The following DKK2 variants were observed in gnomAD, a reference collection of about 807,000 sequenced individuals.
The protein encoded by DKK2 is dickkopf-related protein 2.
A neutral mutation model predicts 28.1 loss-of-function variants in DKK2; 11 were observed. The observed-to-expected ratio is 0.39, with a 90% confidence interval of 0.25 to 0.65. The LOEUF (loss-of-function observed/expected upper bound fraction) is 0.65, where lower values mean the gene tolerates loss of function less well. Among genes scored for constraint, DKK2 ranks in the 30% least tolerant of loss-of-function variants. The pLI is 0.47. For synonymous variants in DKK2, 135 were observed against 126.5 expected (o/e 1.07, Z -0.45); for missense variants, 326 against 335.5 (o/e 0.97, Z 0.22).
chr4:107,028,022 G>A (rs1026829300), intron 1 of DKK2, among the ~76,000 whole-genome samples: 12 of 152,228 alleles, frequency 7.9e-5, no homozygotes, highest in Non-Finnish European at 1.6e-4. Flanking sequence ...AAAGTGCTAG[G>A]ATTACAGGCG....
At chr4:106,934,008 A>G (rs767259950) in intron 1 of DKK2, among the ~76,000 whole-genome samples, 53 of 151,200 alleles carry the variant, frequency 3.5e-4, no homozygotes, top group Non-Finnish European at 5.8e-4. Flanking sequence ...ATGTATGTAT[A>G]TATACATATA....
chr4:107,026,360 C>CA (rs985029316), intron 1 of DKK2, among the ~76,000 whole-genome samples: 2 of 151,506 alleles, frequency 1.3e-5, no homozygotes, highest in Non-Finnish European at 2.9e-5. Context: ...AAGTAAATAG[C>CA]AAAAAAACTC....
intron 1 of DKK2, among the ~76,000 whole-genome samples, chr4:106,937,846 A>G (rs906802387): frequency 6.6e-6 from 1 of 152,120 alleles, no homozygotes; most frequent in African/African-American, 2.4e-5. Context: ...TGGAAACTGA[A>G]CAACCTGCTC....
intron 1 of DKK2, among the ~76,000 whole-genome samples, chr4:107,025,741 A>G (rs1723769320): frequency 6.6e-6 from 1 of 152,214 alleles, no homozygotes; most frequent in Non-Finnish European, 1.5e-5. Flanking sequence ...ACTTCCTTTC[A>G]TTAATTTTGT....
intron 1 of DKK2, among the ~76,000 whole-genome samples, chr4:106,936,300 C>G (rs1025886109): frequency 2.6e-5 from 4 of 152,016 alleles, no homozygotes; most frequent in African/African-American, 7.2e-5. Flanking sequence ...AACCAAGGCT[C>G]AAGAACTACG....
At chr4:106,984,042 T>C (rs534309780) in intron 1 of DKK2, among the ~76,000 whole-genome samples, 1 of 152,296 alleles carries the variant, frequency 6.6e-6, no homozygotes, top group South Asian at 2.1e-4. Flanking sequence ...ACTCTGGCAG[T>C]TTGTCAATGT....
chr4:107,001,372 C>T (rs1027607642), intron 1 of DKK2, among the ~76,000 whole-genome samples: 1 of 152,156 alleles, frequency 6.6e-6, no homozygotes. Context: ...ATTTGTGTTA[C>T]TTGGTTACAG....
chr4:107,035,229 C>T (rs142768848), intron 1 of DKK2, 141 bp downstream of exon 1: 7 of 974,814 alleles, frequency 7.2e-6, no homozygotes, highest in Non-Finnish European at 1.1e-5. Context: ...AGACCCTGTT[C>T]GGTGAATCCC....
rs116205546 is a variant in DKK2, at chr4:106,986,123, A to G, written c.222+49247T>C. ...CACAGTGTAATAATAAAATGGCACA[A>G]TTTTAAATTTCCTTCAACTTCTATT... On this transcript the variant is annotated intron_variant, in intron 1 of 3. Coordinates refer to ENST00000285311, the MANE Select transcript of DKK2 (RefSeq NM_014421.3). Among the ~76,000 whole-genome samples, 905 of 152,286 alleles carry G rather than the reference A, an allele frequency of 5.9e-3. 5 individuals are homozygous for G. The highest frequency in any genetic ancestry group is 0.021 in the African/African-American group (866 of 41,572).
At chr4:107,026,078 A>G (rs1723774575) in intron 1 of DKK2, among the ~76,000 whole-genome samples, 1 of 152,202 alleles carries the variant, frequency 6.6e-6, no homozygotes, top group Admixed American at 6.5e-5. Context: ...TCGTGTGTAA[A>G]ATGAGCAAGT....
At chr4:107,002,238 C>T (rs1225065279) in intron 1 of DKK2, among the ~76,000 whole-genome samples, 1 of 152,170 alleles carries the variant, frequency 6.6e-6, no homozygotes, top group Non-Finnish European at 1.5e-5. Context: ...TTTCATAGTG[C>T]ATGATAGGCA....
intron 1 of DKK2, among the ~76,000 whole-genome samples, chr4:106,947,551 A>G (rs372596563): frequency 6.0e-4 from 91 of 152,214 alleles, no homozygotes; most frequent in African/African-American, 2.1e-3. Context: ...GCCTTCCCAT[A>G]AACTCATATC....
intron 1 of DKK2, among the ~76,000 whole-genome samples, chr4:106,992,481 C>A (rs762168575): frequency 5.3e-5 from 8 of 152,172 alleles, no homozygotes; most frequent in Non-Finnish European, 1.0e-4. Flanking sequence ...AGGTCTGGAG[C>A]AGCCATCCTC....
At chr4:107,021,693 G>A (rs1415569968) in intron 1 of DKK2, among the ~76,000 whole-genome samples, 1 of 152,166 alleles carries the variant, frequency 6.6e-6, no homozygotes, top group Admixed American at 6.5e-5. Flanking sequence ...TTTCTTAAGT[G>A]ATTTGAAAAT....
intron 1 of DKK2, among the ~76,000 whole-genome samples, chr4:107,031,983 A>T (rs192212774): frequency 4.8e-4 from 73 of 152,090 alleles, no homozygotes; most frequent in African/African-American, 1.4e-3. Context: ...TTTAATTTAG[A>T]ACATCTGAAA....
At chr4:106,931,449 A>G (rs1724503367) in intron 1 of DKK2, among the ~76,000 whole-genome samples, 2 of 152,140 alleles carry the variant, frequency 1.3e-5, no homozygotes, top group East Asian at 3.9e-4. Flanking sequence ...TATATCCTTC[A>G]ATACATTTGA....
At chr4:106,940,078 G>A (rs917589969) in intron 1 of DKK2, among the ~76,000 whole-genome samples, 1 of 152,084 alleles carries the variant, frequency 6.6e-6, no homozygotes, top group African/African-American at 2.4e-5. Context: ...AACACCAAAA[G>A]CAATGGCAAC....
At chr4:106,932,264 G>A (rs943647020) in intron 1 of DKK2, among the ~76,000 whole-genome samples, 6 of 152,138 alleles carry the variant, frequency 3.9e-5, no homozygotes, top group African/African-American at 1.4e-4. Context: ...AATTAGGAAT[G>A]GATTTTTTCT....
At chr4:107,031,451 T>C (rs1311352797) in intron 1 of DKK2, among the ~76,000 whole-genome samples, 1 of 152,026 alleles carries the variant, frequency 6.6e-6, no homozygotes, top group Non-Finnish European at 1.5e-5. Context: ...ATTAGTGCTC[T>C]TTAGTCAACT....
Sources: gnomAD v4.1 joint callset for allele counts (sites outside exome capture counted in the v4.1 genomes callset) on GRCh38, gnomAD v4.1.1 for gene constraint, MANE v1.5 for transcripts, NCBI Gene and HGNC (gene_info 2026-07-23, HGNC 2026-07-21) for gene names.